Variants in FSTL5 observed in about 807,000 individuals in gnomAD.
FSTL5 encodes the protein follistatin-related protein 5.
Under a neutral mutation model 89.1 loss-of-function variants are expected in FSTL5, and 62 were observed. That is an observed-to-expected ratio of 0.70 (90% CI 0.57 to 0.86). The LOEUF (loss-of-function observed/expected upper bound fraction) is 0.86. Among genes scored for constraint, FSTL5 ranks in the 40% least tolerant of loss-of-function variants. The pLI is 0.00. For synonymous variants in FSTL5, 383 were observed against 346.2 expected (o/e 1.11, Z -1.18); for missense variants, 1,057 against 1,001.6 (o/e 1.06, Z -0.75).
intron 1 of FSTL5, among the ~76,000 whole-genome samples, chr4:162,129,219 G>C (rs191071561): frequency 1.3e-3 from 197 of 152,240 alleles, no homozygotes; most frequent in African/African-American, 4.5e-3. Context: ...AGGTGTGAAC[G>C]ACGGCGCCTG....
At chr4:162,005,758 A>C (rs927427721) in intron 3 of FSTL5, among the ~76,000 whole-genome samples, 1 of 152,182 alleles carries the variant, frequency 6.6e-6, no homozygotes, top group Admixed American at 6.5e-5. Flanking sequence ...ATTCCATTTC[A>C]TCCTCAGTAT....
At chr4:161,733,382 T>C (rs1328223729) in intron 6 of FSTL5, among the ~76,000 whole-genome samples, 2 of 152,060 alleles carry the variant, frequency 1.3e-5, no homozygotes, top group Admixed American at 1.3e-4. Flanking sequence ...CTAGTAGCTT[T>C]TTATTTTTCT....
chr4:161,530,081 G>T (rs28605169), intron 10 of FSTL5, among the ~76,000 whole-genome samples: 1 of 142,464 alleles, frequency 7.0e-6, no homozygotes, highest in African/African-American at 2.5e-5. Context: ...TCATTCTATA[G>T]AAATAGAAAG....
At chr4:161,715,808 TCTTA>T (rs1290298399) in intron 6 of FSTL5, among the ~76,000 whole-genome samples, 3 of 152,170 alleles carry the variant, frequency 2.0e-5, no homozygotes, top group Non-Finnish European at 4.4e-5. Flanking sequence ...GATTTTCCTT[TCTTA>T]CTTATTCTAC....
At chr4:161,997,679 A>ACTG (rs1736337893) in intron 3 of FSTL5, among the ~76,000 whole-genome samples, 1 of 136,532 alleles carries the variant, frequency 7.3e-6, no homozygotes, top group Admixed American at 8.5e-5. Context: ...ATCTCTGCCC[A>ACTG]CTGCAAGCTC....
At chr4:161,510,660 TTTG>T (rs1212857548) in intron 10 of FSTL5, among the ~76,000 whole-genome samples, 1 of 151,812 alleles carries the variant, frequency 6.6e-6, no homozygotes, top group Non-Finnish European at 1.5e-5. Context: ...GAATACAGAT[TTTG>T]TTATTAAACA....
At chr4:161,458,126 A>G in intron 14 of FSTL5, among the ~76,000 whole-genome samples, 1 of 152,170 alleles carries the variant, frequency 6.6e-6, no homozygotes, top group East Asian at 1.9e-4. Context: ...GGGTGAGGCC[A>G]TTCTGAACCT....
intron 12 of FSTL5, among the ~76,000 whole-genome samples, chr4:161,483,679 A>G (rs747791140): frequency 2.5e-4 from 38 of 152,248 alleles, no homozygotes; most frequent in Admixed American, 7.9e-4. Context: ...TCAGATTAAC[A>G]TTGATTTCTA....
In FSTL5 at chr4:161,510,415, A is replaced by G; in HGVS notation, c.1322T>C (p.Ile441Thr). ...CTTAGTACCTTCTTCTCTCCATAAT[A>G]TGTTAGCTACTGCAGCATGTTGAAA... ...EDSARKTLAN[I>T]LWREEGLGIG... is the part of the protein sequence containing the mutation. Residue 441 changes from isoleucine to threonine, a missense_variant, in exon 11 of 16, where the codon ATA (isoleucine) becomes ACA (threonine). Around this residue, in one of 3 missense-constraint regions of FSTL5, gnomAD observed 980 missense variants for 903.2 expected, o/e 1.08. Transcript: ENST00000306100. 1.3e-6 allele frequency: 2 copies of G among 1,539,138 alleles called. No homozygotes were observed. The highest frequency in any genetic ancestry group is 1.7e-6 in the Non-Finnish European group (2 of 1,143,284).
At chr4:161,527,091 A>G (rs890237278) in intron 10 of FSTL5, among the ~76,000 whole-genome samples, 3 of 152,168 alleles carry the variant, frequency 2.0e-5, no homozygotes, top group African/African-American at 7.2e-5. Context: ...ATGTTCTTCC[A>G]TTTGTTTGTG....
chr4:161,684,481 T>C (rs1404875027), intron 6 of FSTL5, among the ~76,000 whole-genome samples: 2 of 152,210 alleles, frequency 1.3e-5, no homozygotes, highest in Admixed American at 6.5e-5. Flanking sequence ...TTAGGTTGAA[T>C]AGCATTGTGG....
Position 161,384,687 on chromosome 4 carries a change from G to A in FSTL5, c.*1060C>T, listed in dbSNP as rs1471776044. 6.6e-6 allele frequency: 1 copy of A among 151,904 alleles called. No homozygotes were observed. The highest frequency in any genetic ancestry group is 1.9e-4 in the East Asian group (1 of 5,170). The allele number at this position is 151,904 out of a possible 1,614,324, so 9.4% of individuals were successfully genotyped here. A position where few individuals can be genotyped will look rare whatever the true frequency, so the allele number is the denominator to read the frequency against. ...TACTACATTTTTACTTACCACTGTC[G>A]GGCTACCCCTTTATTCCCAACTTAT... On this transcript the variant is annotated 3_prime_UTR_variant, in exon 16 of 16. Coordinates refer to ENST00000306100, the MANE Select transcript of FSTL5 (RefSeq NM_020116.5).
chr4:161,557,600 T>C (rs1234664740), intron 8 of FSTL5, among the ~76,000 whole-genome samples: 1 of 151,676 alleles, frequency 6.6e-6, no homozygotes, highest in Non-Finnish European at 1.5e-5. Context: ...ATTAAGCTAA[T>C]CTAAAGAAAT....
At chr4:161,734,638 G>C (rs1181325212) in intron 6 of FSTL5, among the ~76,000 whole-genome samples, 3 of 152,068 alleles carry the variant, frequency 2.0e-5, no homozygotes, top group African/African-American at 7.2e-5. Flanking sequence ...AATTCCTTTT[G>C]ATTCTTTGAA....
chr4:161,437,942 C>G (rs1269370050), intron 15 of FSTL5, among the ~76,000 whole-genome samples: 2 of 152,104 alleles, frequency 1.3e-5, no homozygotes, highest in African/African-American at 4.8e-5. Context: ...ACAATTGAGA[C>G]GGAAGACTTA....
intron 7 of FSTL5, among the ~76,000 whole-genome samples, chr4:161,588,612 C>T (rs1284832580): frequency 1.3e-5 from 2 of 152,044 alleles, no homozygotes; most frequent in African/African-American, 4.8e-5. Flanking sequence ...CAAAAATTGC[C>T]AAAATCAATT....
At chr4:161,598,857 T>C (rs1268686604) in intron 7 of FSTL5, among the ~76,000 whole-genome samples, 1 of 152,150 alleles carries the variant, frequency 6.6e-6, no homozygotes, top group Non-Finnish European at 1.5e-5. Flanking sequence ...TACATATATG[T>C]AAAAGACAGA....
chr4:161,495,020 C>T (rs545794263), intron 12 of FSTL5: 1 of 152,232 alleles, frequency 6.6e-6, no homozygotes, highest in Admixed American at 6.5e-5. Context: ...TACGAATGCA[C>T]CACTGCACTC....
chr4:161,385,572 A>T lies in FSTL5; in HGVS notation c.*175T>A, dbSNP rs1730590141. The stretch of plus-strand genomic sequence containing the variant: ...TGAGTATTTCTAATTAACCAATATA[A>T]TTAATTGTGTATGTCTTAGTCACTT... On this transcript the variant is annotated 3_prime_UTR_variant, in exon 16 of 16. Transcript: ENST00000306100. 4 of 546,254 alleles carry T rather than the reference A, an allele frequency of 7.3e-6. No individual in the cohort carries two copies. The East Asian group carries it at 1.2e-4, about 16-fold the overall frequency. 33.8% of individuals were successfully genotyped at this position (546,254 alleles called of 1,614,324 possible).
Sources: allele counts gnomAD v4.1 joint callset (sites outside exome capture counted in the v4.1 genomes callset), GRCh38; gene constraint gnomAD v4.1.1; regional missense constraint gnomAD v4.1.1; transcripts MANE v1.5; gene names NCBI Gene and HGNC (gene_info 2026-07-23, HGNC 2026-07-21).